Variants in DIDO1 observed in about 807,000 individuals in gnomAD.
DIDO1 encodes death-inducer obliterator 1.
In DIDO1, 16 loss-of-function variants were observed where a neutral mutation model predicts 99.4. The observed-to-expected ratio is 0.16, with a 90% confidence interval of 0.11 to 0.24. The LOEUF (loss-of-function observed/expected upper bound fraction) is 0.24. Ranked by LOEUF, DIDO1 falls within the 10% of genes least tolerant of loss-of-function variation. The probability of loss-of-function intolerance (pLI) is 1.00; values close to 1 mark genes in which losing one functional copy is unlikely to be tolerated. For synonymous variants in DIDO1, 1,366 were observed against 1,239.1 expected (o/e 1.10, Z -2.15); for missense variants, 2,996 against 3,014.0 (o/e 0.99, Z 0.14).
intron 15 of DIDO1, among the ~76,000 whole-genome samples, chr20:62,885,961 G>A (rs1445924432): frequency 6.6e-6 from 1 of 152,234 alleles, no homozygotes; most frequent in African/African-American, 2.4e-5. Context: ...AGGTTGCCCA[G>A]GGGCTGTTCC....
chr20:62,907,037 C>G, intron 5 of DIDO1, 110 bp downstream of exon 5: 5 of 1,088,176 alleles, frequency 4.6e-6, no homozygotes, highest in Non-Finnish European at 6.8e-6. Context: ...ACCACGTGTG[C>G]GCCCCCCTAC....
chr20:62,926,651 A>C (rs745987670), upstream of DIDO1: 2 of 152,022 alleles, frequency 1.3e-5, no homozygotes, highest in Non-Finnish European at 2.9e-5. Flanking sequence ...TGCACTCCGG[A>C]CGCGCCCTTC....
intron 4 of DIDO1, among the ~76,000 whole-genome samples, chr20:62,907,640 C>T (rs555132539): frequency 5.3e-5 from 8 of 152,326 alleles, no homozygotes; most frequent in African/African-American, 9.6e-5. Context: ...CGAGGGTGGG[C>T]GGGGCCCACG....
chr20:62,935,865 A>G (rs1157683155), intron 1 of DIDO1, among the ~76,000 whole-genome samples: 1 of 152,248 alleles, frequency 6.6e-6, no homozygotes, highest in Non-Finnish European at 1.5e-5. Flanking sequence ...GGCAATCCAA[A>G]AAGCAAAGAT....
At position 62,879,527 on chromosome 20, in the gene DIDO1, G is replaced by A; in HGVS notation, c.6429C>T (p.Ser2143=). 5 of 1,599,562 alleles carry A rather than the reference G, an allele frequency of 3.1e-6. No homozygotes were observed. The highest frequency in any genetic ancestry group is 4.2e-6 in the Non-Finnish European group (5 of 1,179,106). Residue 2143 remains serine (S), a synonymous_variant, in exon 16 of 16, where the codon TCC becomes TCT. Coordinates refer to ENST00000395343, the MANE Select transcript of DIDO1 (RefSeq NM_001193369.2). The surrounding 1 kb of genome is among the most constrained non-coding windows in gnomAD (Gnocchi z 6.3). ...REWDRHRDKD[S]SRDWDRNRER... ...CCCGGTTTCTGTCCCAGTCCCGGCT[G>A]GAGTCCTTGTCCCGGTGTCGGTCCC...
intron 1 of DIDO1, among the ~76,000 whole-genome samples, chr20:62,918,895 A>G (rs181566209): frequency 1.3e-5 from 2 of 152,200 alleles, no homozygotes; most frequent in Non-Finnish European, 2.9e-5. Flanking sequence ...CAAATGAAGG[A>G]AAGATTACCC....
rs1476827228 is a variant in DIDO1 at position 62,878,464 on chromosome 20, C to G, written c.*769G>C. The G allele has an allele frequency of 6.6e-6, 1 of 152,186 alleles. No homozygotes were observed. Among genetic ancestry groups the G allele is most frequent in the Non-Finnish European group, 1.5e-5 (1 of 68,034 alleles). 9.4% of individuals were successfully genotyped at this position (152,186 alleles called of 1,614,324 possible). A position where few individuals can be genotyped will look rare whatever the true frequency, so the allele number is the denominator to read the frequency against. On this transcript the variant is annotated 3_prime_UTR_variant, in exon 16 of 16. Coordinates refer to ENST00000395343, the MANE Select transcript of DIDO1 (RefSeq NM_001193369.2). Reference sequence around the variant, plus strand: ...GAACTGCTCAGAAGGCGAAACTGGACCAACAAAACTCCTGATTATTCAAAT... The same window carrying G: ...GAACTGCTCAGAAGGCGAAACTGGAGCAACAAAACTCCTGATTATTCAAAT...
At chr20:62,933,514 CA>C (rs2065351186) in intron 1 of DIDO1, among the ~76,000 whole-genome samples, 1 of 152,172 alleles carries the variant, frequency 6.6e-6, no homozygotes, top group Non-Finnish European at 1.5e-5. Flanking sequence ...ACAAAACATC[CA>C]TGGGAATAAT....
intron 1 of DIDO1, among the ~76,000 whole-genome samples, chr20:62,921,352 C>T (rs1484174679): frequency 6.6e-6 from 1 of 152,232 alleles, no homozygotes; most frequent in South Asian, 2.1e-4. Flanking sequence ...GTCTGGTAAC[C>T]GCTGACACAG....
In DIDO1 at chr20:62,932,908, A is replaced by G. The variant is rs139137201; in HGVS notation, c.-200+4888T>C. ...TACAGGGTCTGGGTTCACCAGACAC[A>G]TGGTGTCAGAATATGTGCAGCAGGC... On this transcript the variant is annotated intron_variant, in intron 1 of 15. Transcript: ENST00000266070. Among the ~76,000 whole-genome samples the G allele has an allele frequency of 2.6e-3, 402 of 152,334 alleles. No individual in the cohort carries two copies. The Middle Eastern group carries it at 0.027, about 10-fold the overall frequency.
chr20:62,928,260 C>T (rs1225700864), upstream of DIDO1, among the ~76,000 whole-genome samples: 1 of 152,056 alleles, frequency 6.6e-6, no homozygotes, highest in Non-Finnish European at 1.5e-5. Flanking sequence ...GTGGACAAGG[C>T]GGCTCAGGGA....
rs1417402295 is a variant in DIDO1, at chr20:62,910,855, T to G, written c.758A>C (p.Asp253Ala). The G allele has an allele frequency of 6.2e-7, 1 of 1,614,108 alleles. No individual in the cohort carries two copies. Among genetic ancestry groups the G allele is most frequent in the Non-Finnish European group, 8.5e-7 (1 of 1,180,018 alleles). Residue 253 changes from aspartate (D) to alanine (A), a missense_variant, in exon 3 of 16, where the codon GAC becomes GCC. Around this residue, in one of 5 missense-constraint regions of DIDO1, gnomAD observed 388 missense variants for 376.6 expected, o/e 1.03. Coordinates refer to ENST00000395343, the MANE Select transcript of DIDO1 (RefSeq NM_001193369.2). ...AQDIKDEEPG[D>A]LGRPKPECEG... ...ACATTCAGGCTTCGGTCGGCCCAAG[T>G]CTCCAGGCTCCTCATCTTTGATGTC...
rs766259910 is a variant in DIDO1 at position 62,896,707 on chromosome 20, C to T, written c.1878G>A (p.Lys626=). The change falls in exon 7 of 16, where the codon AAG becomes AAA. Residue 626 remains lysine (K), a synonymous_variant. Transcript: ENST00000395343. This position sits in a 1 kb window ranked among gnomAD's most constrained non-coding sequence, Gnocchi z 4.4. ...PAPAAATAAS[K]KFPGSAALVG... is the part of the protein sequence containing the mutation. ...CCAAAGCAGCGGAGCCAGGGAACTT[C>T]TTGGAGGCAGCCGTTGCCGCTGCAG... The T allele has an allele frequency of 1.2e-5, 19 of 1,613,870 alleles. No individual in the cohort carries two copies. The highest frequency in any genetic ancestry group is 3.3e-5 in the South Asian group (3 of 91,072).
chr20:62,937,179 G>A (rs755778226), intron 1 of DIDO1, among the ~76,000 whole-genome samples: 6 of 152,226 alleles, frequency 3.9e-5, no homozygotes, highest in Non-Finnish European at 5.9e-5. Flanking sequence ...ATTCCTCACA[G>A]ATGAAATCAG....
At position 62,880,727 on chromosome 20, in the gene DIDO1, C is replaced by T. The variant is rs59521622; in HGVS notation, c.5229G>A (p.Val1743=). The part of the protein sequence containing the change: ...TAPLPPPGQK[V]GGSQPPFQGQ... ...CCTGAAACGGGGGCTGAGAGCCCCC[C>T]ACTTTCTGTCCTGGTGGGGGGAGCG... The change falls in exon 16 of 16, where the codon GTG becomes GTA. Residue 1743 remains valine, a synonymous_variant. Transcript: ENST00000395343. 2.9e-4 allele frequency: 461 copies of T among 1,612,726 alleles called. 1 individual carries two copies. In the African/African-American group the frequency reaches 5.1e-3, roughly 18 times the overall value.
intron 1 of DIDO1, among the ~76,000 whole-genome samples, chr20:62,918,383 G>A (rs2147543016): frequency 6.6e-6 from 1 of 152,348 alleles, no homozygotes; most frequent in Non-Finnish European, 1.5e-5. Flanking sequence ...CGATCCTTCT[G>A]CCTCAACCTG....
At chr20:62,929,692 A>AAAATATATATATATATATATATAT, upstream of DIDO1, among the ~76,000 whole-genome samples, 5 of 63,736 alleles carry the variant, frequency 7.8e-5, no homozygotes, top group South Asian at 1.7e-3. Context: ...AAAAAGAAAA[A>AAAATATATATATATATATATATAT]GTGTATATAT....
rs754387707 is a variant in DIDO1, at chr20:62,879,819, G to C, written c.6137C>G (p.Pro2046Arg). The C allele has an allele frequency of 1.2e-6, 2 of 1,609,246 alleles. No individual in the cohort carries two copies. Among genetic ancestry groups the C allele is most frequent in the Admixed American group, 3.3e-5 (2 of 59,736 alleles). Residue 2046 changes from proline (P) to arginine (R), a missense_variant, in exon 16 of 16, where the codon CCG (proline) becomes CGG (arginine). By Grantham distance (103) the Pro-to-Arg change is moderately radical (BLOSUM62 -2). This residue lies in a region of DIDO1 where 1,562 missense variants were observed against 1,412.6 expected (regional missense o/e 1.11). Coordinates refer to ENST00000395343, the MANE Select transcript of DIDO1 (RefSeq NM_001193369.2). The surrounding 1 kb of genome is among the most constrained non-coding windows in gnomAD (Gnocchi z 6.3). ...CGCACTGGAGGAGAGCGCGGAGGGC[G>C]GCCCGGCCTCCTCCCAGCGGTCCTT... ...HRKDRWEEAG[P>R]PSALSSSAPG...
chr20:62,917,703 G>T (rs2065064301), intron 1 of DIDO1, among the ~76,000 whole-genome samples: 1 of 152,174 alleles, frequency 6.6e-6, no homozygotes, highest in African/African-American at 2.4e-5. Context: ...ATGTTTGCGG[G>T]TTCCGAAAAA....
Sources: gnomAD v4.1 joint callset for allele counts (sites outside exome capture counted in the v4.1 genomes callset) on GRCh38, gnomAD v4.1.1 for gene constraint, gnomAD v4.1.1 regional missense constraint, Gnocchi (gnomAD v3.1) non-coding constraint, MANE v1.5 for transcripts, NCBI Gene and HGNC (gene_info 2026-07-23, HGNC 2026-07-21) for gene names.